Variants in TLK1 observed in about 807,000 individuals in gnomAD.
TLK1 encodes tousled like kinase 1.
Under a neutral mutation model 105.3 loss-of-function variants are expected in TLK1, and 24 were observed. That is an observed-to-expected ratio of 0.23 (90% CI 0.17 to 0.32). TLK1 has a LOEUF of 0.32. TLK1 is among the 10% of genes least tolerant of loss of function. The pLI is 1.00. For missense variants in TLK1, 558 were observed against 910.5 expected, an observed-to-expected ratio of 0.61 and a Z score of 4.98; for synonymous variants, 321 against 310.4, an observed-to-expected ratio of 1.03 and a Z score of -0.36.
intron 3 of TLK1, among the ~76,000 whole-genome samples, chr2:171,076,588 A>T (rs1688518976): frequency 6.6e-6 from 1 of 152,100 alleles, no homozygotes; most frequent in Admixed American, 6.6e-5. Context: ...TGGGTGGATC[A>T]AGGCAGGTTT....
intron 12 of TLK1, among the ~76,000 whole-genome samples, chr2:171,024,036 C>T (rs1259393139): frequency 6.6e-6 from 1 of 152,094 alleles, no homozygotes; most frequent in African/African-American, 2.4e-5. Context: ...GAAGCTTTGC[C>T]TCAAATTAAC....
At chr2:171,145,596 A>C (rs916259098) in intron 1 of TLK1, among the ~76,000 whole-genome samples, 8 of 151,764 alleles carry the variant, frequency 5.3e-5, no homozygotes, top group African/African-American at 1.2e-4. Flanking sequence ...TCTCAAAAAA[A>C]AAAAAACAAA....
chr2:171,040,845 G>C (rs1686641961), intron 11 of TLK1, among the ~76,000 whole-genome samples: 1 of 151,896 alleles, frequency 6.6e-6, no homozygotes, highest in Non-Finnish European at 1.5e-5. Flanking sequence ...CCAAAGTGCT[G>C]GGATTACAGG....
chr2:171,164,325 G>T (rs1278272041), upstream of TLK1, among the ~76,000 whole-genome samples: 1 of 152,124 alleles, frequency 6.6e-6, no homozygotes, highest in Non-Finnish European at 1.5e-5. Flanking sequence ...TACCAGAGAA[G>T]ATAACATTTT....
chr2:171,111,185 G>GT (rs1269945722), intron 2 of TLK1, among the ~76,000 whole-genome samples: 4 of 152,148 alleles, frequency 2.6e-5, no homozygotes, highest in African/African-American at 9.7e-5. Flanking sequence ...AACAAAGGAG[G>GT]TTTTTAAAGT....
rs1687367328 is a variant in TLK1, at chr2:171,053,847, G to C, written c.646C>G (p.Leu216Val). ...QLSFKIIQTD[L>V]TMLKLAALES... ...AATGCTGCTAATTTCAGCATTGTGA[G>C]ATCAGTCTAAATGAAAAAAAGTTAT... The change falls in exon 8 of 21, where the codon CTC becomes GTC. Residue 216 changes from leucine (L) to valine (V), a missense_variant. Physicochemically the swap from Leu to Val is conservative, Grantham distance 32. Transcript: ENST00000431350. 6.2e-7 allele frequency: 1 copy of C among 1,601,006 alleles called. No individual in the cohort carries two copies. The highest frequency in any genetic ancestry group is 8.5e-7 in the Non-Finnish European group (1 of 1,174,592).
chr2:171,188,091 C>T (rs532085114), intron 1 of TLK1, among the ~76,000 whole-genome samples: 1 of 152,256 alleles, frequency 6.6e-6, no homozygotes, highest in South Asian at 2.1e-4. Flanking sequence ...GAGCATGGTT[C>T]AAGGGTCAAG....
chr2:171,224,482 G>A (rs1190336596), intron 1 of TLK1, among the ~76,000 whole-genome samples: 1 of 151,712 alleles, frequency 6.6e-6, no homozygotes, highest in East Asian at 1.9e-4. Flanking sequence ...ATTTTGATAG[G>A]GATTGCATTG....
At chr2:171,108,477 G>T (rs752138178) in intron 2 of TLK1, among the ~76,000 whole-genome samples, 2 of 152,116 alleles carry the variant, frequency 1.3e-5, no homozygotes, top group African/African-American at 4.8e-5. Context: ...TTAAGCAATA[G>T]ATGGCAGAAC....
intron 1 of TLK1, among the ~76,000 whole-genome samples, chr2:171,210,302 G>A (rs1693589649): frequency 1.3e-5 from 2 of 150,922 alleles, no homozygotes; most frequent in Non-Finnish European, 3.0e-5. Context: ...TAGGAGACAA[G>A]GGTTTCACTA....
chr2:170,998,053 TC>T (rs1684153383), intron 18 of TLK1, among the ~76,000 whole-genome samples: 1 of 73,044 alleles, frequency 1.4e-5, no homozygotes, highest in African/African-American at 3.7e-5. Context: ...TCTTTATCTA[TC>T]TATCTATCTA....
chr2:171,097,052 G>T (rs1250799196), intron 2 of TLK1, among the ~76,000 whole-genome samples: 1 of 152,086 alleles, frequency 6.6e-6, no homozygotes, highest in Non-Finnish European at 1.5e-5. Flanking sequence ...AAAGCTGGAG[G>T]CATCATAGTA....
At chr2:171,027,442 A>C (rs1341625641) in intron 12 of TLK1, among the ~76,000 whole-genome samples, 5 of 152,208 alleles carry the variant, frequency 3.3e-5, no homozygotes, top group African/African-American at 1.2e-4. Context: ...AACTGATTAC[A>C]ATTTCAGAGT....
chr2:171,215,837 G>A lies in TLK1; in HGVS notation c.-6+15308C>T, dbSNP rs1490023284. 2.6e-5 allele frequency among the ~76,000 whole-genome samples: 4 copies of A among 152,188 alleles called. No individual in the cohort carries two copies. The East Asian group carries it at 7.7e-4, about 29-fold the overall frequency. ...GAGGCCCCAGCGGGTACATGCACGC[G>A]GTGGAACGCTTTATTCCCTTTAACA... On this transcript the variant is annotated intron_variant, in intron 1 of 20. Coordinates refer to the TLK1 transcript ENST00000521943.
chr2:171,171,041 A>C (rs1692716175), intron 1 of TLK1, among the ~76,000 whole-genome samples: 1 of 152,018 alleles, frequency 6.6e-6, no homozygotes, highest in African/African-American at 2.4e-5. Context: ...AAATATGAAA[A>C]TTAAAACAAA....
At chr2:171,036,392 C>G (rs555557400) in intron 11 of TLK1, among the ~76,000 whole-genome samples, 1 of 152,064 alleles carries the variant, frequency 6.6e-6, no homozygotes, top group African/African-American at 2.4e-5. Flanking sequence ...CTGTCTCCCC[C>G]CCCAAAAAAA....
chr2:171,093,360 TG>T (rs1332241835), intron 2 of TLK1, among the ~76,000 whole-genome samples: 3 of 152,116 alleles, frequency 2.0e-5, no homozygotes, highest in Non-Finnish European at 4.4e-5. Context: ...GGCAATTAGA[TG>T]GAATGAGGTA....
chr2:171,099,965 A>C (rs2105503263), intron 2 of TLK1, among the ~76,000 whole-genome samples: 2 of 152,360 alleles, frequency 1.3e-5, no homozygotes, highest in Non-Finnish European at 2.9e-5. Context: ...GATTTCTTAG[A>C]TATGACACCT....
intron 11 of TLK1, among the ~76,000 whole-genome samples, chr2:171,034,533 G>A (rs1686224202): frequency 6.6e-6 from 1 of 152,164 alleles, no homozygotes; most frequent in Non-Finnish European, 1.5e-5. Flanking sequence ...TTCAGAAGAA[G>A]CAAATACACA....
Sources: allele counts gnomAD v4.1 joint callset (sites outside exome capture counted in the v4.1 genomes callset), GRCh38; gene constraint gnomAD v4.1.1; transcripts MANE v1.5; gene names NCBI Gene and HGNC (gene_info 2026-07-23, HGNC 2026-07-21).